Variants in CDH11 observed in about 807,000 individuals in gnomAD.
CDH11 encodes cadherin-11.
CDH11 carries 11 observed loss-of-function variants against 67.8 expected under a neutral mutation model. The observed-to-expected ratio is 0.16, with a 90% CI of 0.10 to 0.27. CDH11 has a LOEUF of 0.27. Among genes scored for constraint, CDH11 ranks in the 10% least tolerant of loss-of-function variants. The pLI is 1.00. For missense variants in CDH11, 847 were observed against 1,031.2 expected, an observed-to-expected ratio of 0.82 and a Z score of 2.45; for synonymous variants, 419 against 400.0, an observed-to-expected ratio of 1.05 and a Z score of -0.57.
chr16:65,081,822 T>A (rs2074615933), intron 1 of CDH11, among the ~76,000 whole-genome samples: 1 of 152,040 alleles, frequency 6.6e-6, no homozygotes, highest in African/African-American at 2.4e-5. Flanking sequence ...TACCTATAAC[T>A]GTCCTGAATT....
Position 65,121,144 on chromosome 16 carries a change from G to T in CDH11, c.-298+736C>A, listed in dbSNP as rs574428381. ...CCAATCCCAAGCCAGAGGCGAGCCC[G>T]AGTCTGGGCCGCTCATGGACCTACT... On this transcript the variant is annotated intron_variant, in intron 1 of 12. Transcript: ENST00000268603. This position sits in a 1 kb window ranked among gnomAD's most constrained non-coding sequence, Gnocchi z 4.1. Among the ~76,000 whole-genome samples, 1 of 152,272 alleles carries T rather than the reference G, an allele frequency of 6.6e-6. No individual in the cohort carries two copies. The highest frequency in any genetic ancestry group is 2.1e-4 in the South Asian group (1 of 4,826).
intron 11 of CDH11, among the ~76,000 whole-genome samples, chr16:64,955,503 C>A (rs926343119): frequency 2.0e-5 from 3 of 151,868 alleles, no homozygotes; most frequent in Middle Eastern, 3.2e-3. Context: ...CTTTGGGAGG[C>A]TGAGGTGGGA....
chr16:65,100,196 T>C (rs918643089), intron 1 of CDH11, among the ~76,000 whole-genome samples: 3 of 151,860 alleles, frequency 2.0e-5, no homozygotes, highest in African/African-American at 7.3e-5. Context: ...ATATAGAATA[T>C]AGGGAAATTA....
At chr16:65,003,566 T>C (rs1191049575) in intron 3 of CDH11, among the ~76,000 whole-genome samples, 1 of 152,210 alleles carries the variant, frequency 6.6e-6, no homozygotes, top group Non-Finnish European at 1.5e-5. Flanking sequence ...GCACATATCT[T>C]TTTGCAGTTT....
chr16:65,087,168 G>A (rs2074715674), intron 1 of CDH11, among the ~76,000 whole-genome samples: 1 of 152,100 alleles, frequency 6.6e-6, no homozygotes, highest in South Asian at 2.1e-4. Flanking sequence ...CCTGACACAG[G>A]TATTGCTTCC....
intron 2 of CDH11, among the ~76,000 whole-genome samples, chr16:65,005,289 A>G (rs1054573287): frequency 6.6e-6 from 1 of 152,218 alleles, no homozygotes; most frequent in Non-Finnish European, 1.5e-5. Context: ...TGCCTGGTAC[A>G]TAGTAAGCAC....
At chr16:65,087,194 A>G (rs2074716274) in intron 1 of CDH11, among the ~76,000 whole-genome samples, 1 of 152,224 alleles carries the variant, frequency 6.6e-6, no homozygotes, top group African/African-American at 2.4e-5. Context: ...CAATGACAGC[A>G]GCAGAGCCTG....
At chr16:65,118,316 G>T (rs1409990533) in intron 1 of CDH11, among the ~76,000 whole-genome samples, 2 of 152,170 alleles carry the variant, frequency 1.3e-5, no homozygotes, top group Admixed American at 1.3e-4. Context: ...AGGGGAGGCT[G>T]CGGATGGCTA....
intron 11 of CDH11, among the ~76,000 whole-genome samples, chr16:64,958,572 T>A (rs1597015780): frequency 6.6e-6 from 1 of 152,164 alleles, no homozygotes; most frequent in East Asian, 1.9e-4. Flanking sequence ...ACTGAGAAAC[T>A]AAGAGGGAAG....
intron 11 of CDH11, among the ~76,000 whole-genome samples, chr16:64,965,473 C>T (rs1314169131): frequency 6.6e-6 from 1 of 152,010 alleles, no homozygotes; most frequent in Non-Finnish European, 1.5e-5. Context: ...CACAGTCTTC[C>T]ACCTCCACAT....
chr16:65,045,501 G>C (rs961559865), intron 2 of CDH11, among the ~76,000 whole-genome samples: 5 of 151,490 alleles, frequency 3.3e-5, no homozygotes, highest in Admixed American at 1.3e-4. Context: ...CATCTGTCAG[G>C]TGTCTGGCTA....
At chr16:64,959,234 T>C (rs1432012549) in intron 11 of CDH11, among the ~76,000 whole-genome samples, 6 of 152,186 alleles carry the variant, frequency 3.9e-5, no homozygotes, top group Non-Finnish European at 2.9e-5. Context: ...AATTCAAGCA[T>C]GTGTGTATGA....
At chr16:64,999,566 C>T (rs2072864594) in intron 3 of CDH11, among the ~76,000 whole-genome samples, 1 of 151,910 alleles carries the variant, frequency 6.6e-6, no homozygotes, top group Non-Finnish European at 1.5e-5. Context: ...TGGAGTCTCA[C>T]TCTGTTGCCC....
intron 1 of CDH11, among the ~76,000 whole-genome samples, chr16:65,068,818 T>C (rs527841938): frequency 6.6e-6 from 1 of 152,330 alleles, no homozygotes; most frequent in East Asian, 1.9e-4. Flanking sequence ...CCACCCATTT[T>C]CAGAAATAAG....
intron 2 of CDH11, among the ~76,000 whole-genome samples, chr16:65,053,269 T>A (rs2074087967): frequency 6.6e-6 from 1 of 152,178 alleles, no homozygotes; most frequent in Admixed American, 6.5e-5. Flanking sequence ...ACCCTGGCAG[T>A]CCAGTAAATG....
At chr16:65,076,902 C>T (rs917031309) in intron 1 of CDH11, among the ~76,000 whole-genome samples, 12 of 151,976 alleles carry the variant, frequency 7.9e-5, no homozygotes, top group African/African-American at 2.9e-4. Context: ...TGTATATGTG[C>T]CACATTTTCT....
chr16:65,114,373 C>T (rs1597212147), intron 1 of CDH11, among the ~76,000 whole-genome samples: 1 of 152,150 alleles, frequency 6.6e-6, no homozygotes, highest in East Asian at 1.9e-4. Context: ...GCACCAAAAA[C>T]AGTGGAAAAC....
chr16:65,052,543 G>A (rs549296617), intron 2 of CDH11, among the ~76,000 whole-genome samples: 2 of 152,226 alleles, frequency 1.3e-5, no homozygotes, highest in South Asian at 4.1e-4. Flanking sequence ...CAGGCAGGGT[G>A]GAGAGGGAAT....
chr16:64,973,912 G>A (rs930834918), intron 8 of CDH11, among the ~76,000 whole-genome samples: 6 of 152,168 alleles, frequency 3.9e-5, no homozygotes, highest in African/African-American at 1.4e-4. Flanking sequence ...GTTCCAGCGT[G>A]TAATGTACAA....
Sources: gnomAD v4.1 joint callset for allele counts (sites outside exome capture counted in the v4.1 genomes callset) on GRCh38, gnomAD v4.1.1 for gene constraint, Gnocchi (gnomAD v3.1) non-coding constraint, MANE v1.5 for transcripts, NCBI Gene and HGNC (gene_info 2026-07-23, HGNC 2026-07-21) for gene names.